PRKAG2: variants seen among roughly 807,000 people sequenced by gnomAD.
PRKAG2 encodes the protein 5'-AMP-activated protein kinase subunit gamma-2.
Under a neutral mutation model 69.6 loss-of-function variants are expected in PRKAG2, and 26 were observed. The observed-to-expected ratio is 0.37, with a 90% CI of 0.27 to 0.52. The LOEUF (loss-of-function observed/expected upper bound fraction) is 0.52. PRKAG2 is among the 20% of genes least tolerant of loss of function. The pLI, the probability that PRKAG2 is intolerant of heterozygous loss-of-function variation, is 0.90. For synonymous variants in PRKAG2, 293 were observed against 285.0 expected (o/e 1.03, Z -0.28); for missense variants, 557 against 740.0 (o/e 0.75, Z 2.87).
chr7:151,675,678 C>G (rs755111030), intron 3 of PRKAG2, 41 bp from the exon 4 acceptor site: 2 of 1,557,474 alleles, frequency 1.3e-6, no homozygotes, highest in East Asian at 4.5e-5. Context: ...GTCCGGCTTC[C>G]AGGAAGGGAC....
At chr7:151,559,902 C>G in intron 15 of PRKAG2, 1 of 985,332 alleles carries the variant, frequency 1.0e-6, no homozygotes, top group Non-Finnish European at 1.2e-6. Context: ...CCACCTCTTA[C>G]TACTGAGTGT....
At chr7:151,855,178 CCA>C (rs199713712) in intron 1 of PRKAG2, among the ~76,000 whole-genome samples, 4 of 78,364 alleles carry the variant, frequency 5.1e-5, no homozygotes, top group Admixed American at 2.7e-4. Context: ...ACACCACCCT[CCA>C]CACACACCAC....
intron 2 of PRKAG2, among the ~76,000 whole-genome samples, chr7:151,783,912 CAAAAAAAAAA>C (rs536105914): frequency 3.8e-4 from 11 of 28,946 alleles, no homozygotes; most frequent in Admixed American, 2.6e-3. Flanking sequence ...GACCCTGTCT[CAAAAAAAAAA>C]AAAAAAAAAA....
intron 5 of PRKAG2, among the ~76,000 whole-genome samples, chr7:151,600,349 T>C (rs1815747875): frequency 6.6e-6 from 1 of 152,158 alleles, no homozygotes; most frequent in Non-Finnish European, 1.5e-5. Flanking sequence ...GCAAAACAAG[T>C]GTTAAACAAG....
chr7:151,793,167 G>A (rs368504395), intron 1 of PRKAG2, among the ~76,000 whole-genome samples: 4 of 152,324 alleles, frequency 2.6e-5, no homozygotes, highest in African/African-American at 9.6e-5. Context: ...TAAGATGCAT[G>A]TTCTCATCTC....
chr7:151,631,061 T>C (rs1824283245), intron 5 of PRKAG2, among the ~76,000 whole-genome samples: 4 of 152,260 alleles, frequency 2.6e-5, no homozygotes, highest in Non-Finnish European at 5.9e-5. Context: ...CTTATTTAAG[T>C]AATTGCCTGA....
intron 3 of PRKAG2, among the ~76,000 whole-genome samples, chr7:151,697,487 G>A (rs953377757): frequency 5.3e-5 from 8 of 152,126 alleles, no homozygotes; most frequent in African/African-American, 1.7e-4. Flanking sequence ...GAAAGGACCC[G>A]CCGCTGGAAG....
chr7:151,667,726 G>T (rs1012508585), intron 4 of PRKAG2, among the ~76,000 whole-genome samples: 17 of 152,170 alleles, frequency 1.1e-4, no homozygotes, highest in Non-Finnish European at 1.9e-4. Flanking sequence ...TGAACGAGCT[G>T]GGGCTAGCCT....
At chr7:151,701,527 G>A (rs565898993) in intron 3 of PRKAG2, among the ~76,000 whole-genome samples, 9 of 152,234 alleles carry the variant, frequency 5.9e-5, no homozygotes, top group Non-Finnish European at 1.0e-4. Context: ...AGATTGGAGC[G>A]GTGCATCTTT....
At chr7:151,590,750 T>C (rs1812893664) in intron 6 of PRKAG2, among the ~76,000 whole-genome samples, 1 of 152,228 alleles carries the variant, frequency 6.6e-6, no homozygotes, top group Non-Finnish European at 1.5e-5. Flanking sequence ...ATTTCACAGC[T>C]GCAGAAACCG....
At position 151,573,987 on chromosome 7, in the gene PRKAG2, C is replaced by A. The variant is rs145096534; in HGVS notation, c.1005+904G>T. ...AGAGACAGGGTTTCACTATGTTGGCCAGGCTGGTCTCCAACTCCTGACCTC... is the reference window on the plus strand; with the variant it reads ...AGAGACAGGGTTTCACTATGTTGGCAAGGCTGGTCTCCAACTCCTGACCTC... On this transcript the variant is annotated intron_variant, in intron 8 of 15. Transcript: ENST00000287878. Among the ~76,000 whole-genome samples, 529 of 152,232 alleles carry A rather than the reference C, an allele frequency of 3.5e-3. 3 individuals carry two copies. The highest frequency in any genetic ancestry group is 0.012 in the African/African-American group (478 of 41,534).
chr7:151,698,175 C>T (rs577751763), intron 3 of PRKAG2, among the ~76,000 whole-genome samples: 76 of 152,200 alleles, frequency 5.0e-4, no homozygotes, highest in Admixed American at 8.5e-4. Flanking sequence ...GGAGGAGCGC[C>T]GCCAGCTTGG....
At chr7:151,566,529 T>C (rs1319688441) in intron 11 of PRKAG2, 3 of 431,762 alleles carry the variant, frequency 6.9e-6, no homozygotes, top group South Asian at 3.3e-5. Flanking sequence ...TCTAGGATCA[T>C]GTTTGAGTAT....
rs1839285627 is a variant in PRKAG2, at chr7:151,709,877, G to C, written c.467-34240C>G. Among the ~76,000 whole-genome samples the C allele has an allele frequency of 2.0e-5, 3 of 152,112 alleles. No individual in the cohort carries two copies. The South Asian group carries it at 6.2e-4, about 32-fold the overall frequency. The stretch of plus-strand genomic sequence containing the variant: ...TGACAGTGACGAGTGACGTGAGACT[G>C]ACATTGAGTGATGTGACAGTGACAG... On this transcript the variant is annotated intron_variant, in intron 3 of 15. Transcript: ENST00000287878.
chr7:151,736,304 C>G (rs1181901339), intron 3 of PRKAG2: 1 of 1,201,444 alleles, frequency 8.3e-7, no homozygotes, highest in African/African-American at 1.5e-5. Flanking sequence ...TAGCAAGAAG[C>G]TGCCGGAAGC....
chr7:151,643,539 T>C (rs1827099415), intron 4 of PRKAG2, among the ~76,000 whole-genome samples: 2 of 152,194 alleles, frequency 1.3e-5, no homozygotes, highest in Non-Finnish European at 2.9e-5. Context: ...TACTTCCACT[T>C]CAGTTCTGCT....
rs551365046 is a variant in PRKAG2 at position 151,835,037 on chromosome 7, A to C, written c.114+41470T>G. On this transcript the variant is annotated intron_variant, in intron 1 of 15. Coordinates refer to ENST00000287878, the MANE Select transcript of PRKAG2 (RefSeq NM_016203.4). The surrounding 1 kb of genome is among the most constrained non-coding windows in gnomAD (Gnocchi z 4.1). ...TGTCCAGAATCCCCCTCATACGCAGATGCCAGCCATGTGGAAAAGGGCCAG... is the reference window on the plus strand; with the variant it reads ...TGTCCAGAATCCCCCTCATACGCAGCTGCCAGCCATGTGGAAAAGGGCCAG... Among the ~76,000 whole-genome samples the C allele has an allele frequency of 6.6e-6, 1 of 152,304 alleles. No homozygotes were observed. The highest frequency in any genetic ancestry group is 2.1e-4 in the South Asian group (1 of 4,822).
intron 1 of PRKAG2, among the ~76,000 whole-genome samples, chr7:151,800,160 A>G (rs561361103): frequency 1.9e-4 from 29 of 151,906 alleles, no homozygotes; most frequent in Non-Finnish European, 3.5e-4. Flanking sequence ...GATCGAGACC[A>G]TCCTGGCTAA....
At chr7:151,595,987 T>C (rs1585117674) in intron 5 of PRKAG2, among the ~76,000 whole-genome samples, 3 of 151,622 alleles carry the variant, frequency 2.0e-5, no homozygotes, top group Admixed American at 6.6e-5. Context: ...CTGGGTGGCA[T>C]AGCAAGACCC....
Sources: gnomAD v4.1 joint callset for allele counts (sites outside exome capture counted in the v4.1 genomes callset) on GRCh38, gnomAD v4.1.1 for gene constraint, Gnocchi (gnomAD v3.1) non-coding constraint, MANE v1.5 for transcripts, NCBI Gene and HGNC (gene_info 2026-07-23, HGNC 2026-07-21) for gene names.